The following TOPBP1 variants were observed in gnomAD, a reference collection of about 807,000 sequenced individuals.
TOPBP1 encodes the protein DNA topoisomerase II binding protein 1.
In TOPBP1, 28 loss-of-function variants were observed where a neutral mutation model predicts 167.7. The ratio of observed to expected loss-of-function variants is 0.17; its 90% CI spans 0.12 to 0.23. TOPBP1 has a LOEUF of 0.23. Ranked by LOEUF, TOPBP1 falls within the 10% of genes least tolerant of loss-of-function variation. TOPBP1 has a pLI of 1.00. For synonymous variants in TOPBP1, 598 were observed against 611.4 expected (o/e 0.98, Z 0.32); for missense variants, 1,554 against 1,809.6 (o/e 0.86, Z 2.56).
chr3:133,660,926 G>T, intron 2 of TOPBP1, 118 bp downstream of exon 2: 1 of 698,990 alleles, frequency 1.4e-6, no homozygotes, highest in Non-Finnish European at 2.3e-6. Context: ...TATTAATGTA[G>T]ACTATAAAAT....
intron 14 of TOPBP1, among the ~76,000 whole-genome samples, chr3:133,633,737 G>A (rs865991522): frequency 4.6e-5 from 7 of 152,138 alleles, no homozygotes; most frequent in South Asian, 2.1e-4. Flanking sequence ...GCTATAATGG[G>A]CTGTGATCAT....
chr3:133,623,283 G>A (rs765590935), intron 18 of TOPBP1, 28 bp downstream of exon 18: 4 of 1,612,832 alleles, frequency 2.5e-6, no homozygotes, highest in Middle Eastern at 1.6e-4. Flanking sequence ...GCTTAAGAGG[G>A]GGTAAATGTA....
Position 133,612,548 on chromosome 3 carries a change from T to C in TOPBP1, c.3876A>G (p.Gly1292=), listed in dbSNP as rs1432623610. Reference sequence around the variant, plus strand: ...CAAAGCACTGCTTTTCTATCACCAATCCACCTTAAGCAGAGAAAAATGGAT... The same window carrying C: ...CAAAGCACTGCTTTTCTATCACCAACCCACCTTAAGCAGAGAAAAATGGAT... ...DYCHLIEKLG[G]LVIEKQCFDP... Residue 1292 remains glycine, a synonymous_variant, in exon 24 of 28, where the codon GGA becomes GGG. Transcript: ENST00000260810. 1 of 1,612,478 alleles carries C rather than the reference T, an allele frequency of 6.2e-7. No homozygotes were observed. The highest frequency in any genetic ancestry group is 1.3e-5 in the African/African-American group (1 of 74,990).
At chr3:133,661,003 A>G (rs778591289) in intron 2 of TOPBP1, 41 bp downstream of exon 2, 510 of 1,448,932 alleles carry the variant, frequency 3.5e-4, no homozygotes, top group Non-Finnish European at 4.0e-4. Flanking sequence ...CTTAAAAACA[A>G]GAAAATGAAT....
At chr3:133,604,322 A>G (rs1934418429) in intron 27 of TOPBP1, among the ~76,000 whole-genome samples, 1 of 151,536 alleles carries the variant, frequency 6.6e-6, no homozygotes, top group African/African-American at 2.4e-5. Context: ...TTTTTAGTAG[A>G]GACAGGGTTT....
intron 10 of TOPBP1, among the ~76,000 whole-genome samples, chr3:133,648,589 G>A (rs965546766): frequency 3.3e-5 from 5 of 152,168 alleles, no homozygotes; most frequent in African/African-American, 9.7e-5. Flanking sequence ...CCTGAGGTCG[G>A]GAGTTCAAGA....
rs530822414 is a variant in TOPBP1, at chr3:133,614,561, C to A, written c.3872-2009G>T. ...AGAGTTACAAGACTCTGAATTCCAA[C>A]ATAATCTGTACTCATCTGCCTCTGC... On this transcript the variant is annotated intron_variant, in intron 23 of 27. Coordinates refer to ENST00000260810, the MANE Select transcript of TOPBP1 (RefSeq NM_007027.4). 1.6e-4 allele frequency among the ~76,000 whole-genome samples: 24 copies of A among 152,226 alleles called. 1 individual carries two copies. The highest frequency in any genetic ancestry group is 3.9e-4 in the Admixed American group (6 of 15,282).
In TOPBP1 at chr3:133,655,355, C is replaced by G; in HGVS notation, c.677G>C (p.Gly226Ala). The G allele has an allele frequency of 6.2e-7, 1 of 1,606,546 alleles. No individual in the cohort carries two copies. The highest frequency in any genetic ancestry group is 1.3e-5 in the African/African-American group (1 of 74,530). ...TTTCAATTGTCCCATGTATTGACCT[C>G]CATGCTTAACTGTGAGTTGCTGAAC... Reference protein sequence around the residue: ...KEVQQLTVKHGGQYMGQLKMN... With the variant: ...KEVQQLTVKHAGQYMGQLKMN... Residue 226 changes from glycine (G) to alanine (A), a missense_variant, in exon 6 of 28, where the codon GGA (glycine) becomes GCA (alanine). By Grantham distance (60) the Gly-to-Ala change is moderately conservative. Transcript: ENST00000260810.
At chr3:133,623,522 T>C (rs1279573479) in intron 17 of TOPBP1, 65 bp from the exon 18 acceptor site, 5 of 1,507,448 alleles carry the variant, frequency 3.3e-6, no homozygotes, top group Non-Finnish European at 3.6e-6. Flanking sequence ...TGATGTTAAG[T>C]AGGATAAGGA....
intron 14 of TOPBP1, among the ~76,000 whole-genome samples, chr3:133,636,099 T>C (rs1935661269): frequency 6.6e-6 from 1 of 151,918 alleles, no homozygotes; most frequent in South Asian, 2.1e-4. Context: ...GTCAGGAGTA[T>C]ACTTTAGGGA....
At chr3:133,633,471 G>A (rs777235311) in intron 14 of TOPBP1, among the ~76,000 whole-genome samples, 2 of 152,076 alleles carry the variant, frequency 1.3e-5, no homozygotes, top group Non-Finnish European at 2.9e-5. Flanking sequence ...TCCTCTAAAG[G>A]TGAGCACCTC....
In TOPBP1 at chr3:133,632,367, C is replaced by T. The variant is rs562894254; in HGVS notation, c.2521-3634G>A. Among the ~76,000 whole-genome samples the T allele has an allele frequency of 6.6e-5, 10 of 151,924 alleles. No homozygotes were observed. The South Asian group carries it at 8.3e-4, about 13-fold the overall frequency. On this transcript the variant is annotated intron_variant, in intron 14 of 27. Coordinates refer to ENST00000260810, the MANE Select transcript of TOPBP1 (RefSeq NM_007027.4). The stretch of plus-strand genomic sequence containing the variant: ...TTGCAGTGAGCCGAGATCATGCCAC[C>T]GCACTTCAGCCTGGGTGACAAGAGC...
In TOPBP1 at chr3:133,601,053, C is replaced by G. The variant is rs1396002808; in HGVS notation, c.*197G>C. ...TGTATTTTGTTGTTATTTCAGGTAA[C>G]TTTTTATTAAGAAACAGTTAATATT... On this transcript the variant is annotated 3_prime_UTR_variant, in exon 28 of 28. Coordinates refer to ENST00000260810, the MANE Select transcript of TOPBP1 (RefSeq NM_007027.4). 9.9e-6 allele frequency: 4 copies of G among 402,342 alleles called. No individual in the cohort carries two copies. In the East Asian group the frequency reaches 1.5e-4, roughly 15 times the overall value. 24.9% of individuals were successfully genotyped at this position (402,342 alleles called of 1,614,324 possible). A position where few individuals can be genotyped will look rare whatever the true frequency, so the allele number is the denominator to read the frequency against.
At chr3:133,607,330 A>AT (rs1258422221) in intron 27 of TOPBP1, among the ~76,000 whole-genome samples, 2 of 152,174 alleles carry the variant, frequency 1.3e-5, no homozygotes, top group African/African-American at 4.8e-5. Context: ...ATCCCTGTAT[A>AT]TTTTTAGTAG....
In TOPBP1 at chr3:133,618,198, T is replaced by C; in HGVS notation, c.3592+15A>G. ...TACTTAATACAAACAAATGCAAAGA[T>C]TTCTTTCTTGTTACCCTGTTTAGCA... On this transcript the variant is annotated intron_variant, in intron 21 of 27. Coordinates refer to ENST00000260810, the MANE Select transcript of TOPBP1 (RefSeq NM_007027.4). 1 of 1,598,628 alleles carries C rather than the reference T, an allele frequency of 6.3e-7. No individual in the cohort carries two copies. Among genetic ancestry groups the C allele is most frequent in the East Asian group, 2.2e-5 (1 of 44,762 alleles).
In TOPBP1 at chr3:133,643,335, T is replaced by G; in HGVS notation, c.1886A>C (p.Lys629Thr). Residue 629 changes from lysine (K) to threonine (T), a missense_variant, in exon 12 of 28, where the codon AAG (lysine) becomes ACG (threonine). By Grantham distance (78) the Lys-to-Thr change is moderately conservative. Transcript: ENST00000260810. The part of the protein sequence containing the change: ...CIDYQTLFDP[K>T]SNPLFTPVPV... ...AACTGGTGTGAAGAGAGGATTCGAC[T>G]TTGGATCAAACAAAGTCTGATAGTC... 1 of 1,607,372 alleles carries G rather than the reference T, an allele frequency of 6.2e-7. No homozygotes were observed. The highest frequency in any genetic ancestry group is 8.5e-7 in the Non-Finnish European group (1 of 1,177,362).
chr3:133,607,062 G>A (rs143375993), intron 27 of TOPBP1, among the ~76,000 whole-genome samples: 50 of 152,092 alleles, frequency 3.3e-4, no homozygotes, highest in African/African-American at 8.7e-4. Flanking sequence ...TAAACCTACC[G>A]CATGGCTAAA....
At chr3:133,658,950 T>TG in intron 3 of TOPBP1, 66 bp downstream of exon 3, 1 of 1,483,358 alleles carries the variant, frequency 6.7e-7, no homozygotes, top group Non-Finnish European at 9.0e-7. Flanking sequence ...AAAGAATGTA[T>TG]GTCCATTAAA....
At chr3:133,647,798 T>C (rs143801450) in intron 10 of TOPBP1, among the ~76,000 whole-genome samples, 21 of 152,238 alleles carry the variant, frequency 1.4e-4, no homozygotes, top group Non-Finnish European at 2.5e-4. Flanking sequence ...GCGGAAGAGA[T>C]GATTCGTGAT....
Sources: allele counts gnomAD v4.1 joint callset (sites outside exome capture counted in the v4.1 genomes callset), GRCh38; gene constraint gnomAD v4.1.1; transcripts MANE v1.5; gene names NCBI Gene and HGNC (gene_info 2026-07-23, HGNC 2026-07-21).